The following KCNMB2 variants were observed in gnomAD, a reference collection of about 807,000 sequenced individuals.
KCNMB2 encodes calcium-activated potassium channel subunit beta-2.
KCNMB2 carries 9 observed loss-of-function variants against 24.5 expected under a neutral mutation model. The observed-to-expected ratio is 0.37, with a 90% CI of 0.22 to 0.64. The LOEUF (loss-of-function observed/expected upper bound fraction) is 0.64. Among genes scored for constraint, KCNMB2 ranks in the 30% least tolerant of loss-of-function variants. The pLI, the probability that KCNMB2 is intolerant of heterozygous loss-of-function variation, is 0.63. For synonymous variants in KCNMB2, 109 were observed against 104.4 expected, an observed-to-expected ratio of 1.04 and a Z score of -0.27; for missense variants, 226 against 284.3, an observed-to-expected ratio of 0.79 and a Z score of 1.47.
intron 1 of KCNMB2, among the ~76,000 whole-genome samples, chr3:178,670,947 C>T (rs909610815): frequency 2.6e-5 from 4 of 152,058 alleles, no homozygotes; most frequent in African/African-American, 7.2e-5. Context: ...TGATTCTTCC[C>T]GCTGGAAGAC....
chr3:178,762,248 C>T (rs1278872783), intron 1 of KCNMB2, among the ~76,000 whole-genome samples: 1 of 152,086 alleles, frequency 6.6e-6, no homozygotes, highest in Non-Finnish European at 1.5e-5. Flanking sequence ...GAAAGTGTGG[C>T]CACACAAAGC....
At chr3:178,751,854 G>T (rs1234355822) in intron 1 of KCNMB2, among the ~76,000 whole-genome samples, 1 of 152,160 alleles carries the variant, frequency 6.6e-6, no homozygotes, top group Non-Finnish European at 1.5e-5. Flanking sequence ...CTTTTTTTGA[G>T]ATCCTAATAT....
chr3:178,798,974 T>C (rs7428460), intron 1 of KCNMB2, among the ~76,000 whole-genome samples: 64,693 of 151,050 alleles, frequency 0.43, 15,741 homozygotes, highest in African/African-American at 0.68. Flanking sequence ...ATACAATATC[T>C]CTTGATGATA....
intron 1 of KCNMB2, among the ~76,000 whole-genome samples, chr3:178,547,008 A>G (rs551810208): frequency 6.6e-6 from 1 of 152,342 alleles, no homozygotes; most frequent in South Asian, 2.1e-4. Flanking sequence ...CGTGACAGAA[A>G]CTTAATCCCC....
intron 1 of KCNMB2, among the ~76,000 whole-genome samples, chr3:178,717,390 T>C (rs1435104864): frequency 6.6e-6 from 1 of 152,136 alleles, no homozygotes; most frequent in Non-Finnish European, 1.5e-5. Context: ...TCTTTTAAAC[T>C]GAAATTGATT....
intron 1 of KCNMB2, among the ~76,000 whole-genome samples, chr3:178,685,706 C>G (rs1721444991): frequency 6.6e-6 from 1 of 152,214 alleles, no homozygotes; most frequent in African/African-American, 2.4e-5. Context: ...GTTATTTCCT[C>G]ACCACGAAGT....
intron 1 of KCNMB2, among the ~76,000 whole-genome samples, chr3:178,675,929 C>T (rs930623943): frequency 9.8e-5 from 15 of 152,292 alleles, no homozygotes; most frequent in East Asian, 1.9e-4. Context: ...CTGTTAGATA[C>T]TTTATCAACA....
At chr3:178,781,856 T>C (rs1712861711) in intron 1 of KCNMB2, among the ~76,000 whole-genome samples, 1 of 150,226 alleles carries the variant, frequency 6.7e-6, no homozygotes. Context: ...TAGTTACATA[T>C]GTATACATGT....
At chr3:178,707,571 A>C (rs1722319170) in intron 1 of KCNMB2, among the ~76,000 whole-genome samples, 1 of 152,114 alleles carries the variant, frequency 6.6e-6, no homozygotes, top group African/African-American at 2.4e-5. Flanking sequence ...TGCCCATTAA[A>C]ACCATCTGAG....
At chr3:178,650,266 T>C (rs961805961) in intron 1 of KCNMB2, among the ~76,000 whole-genome samples, 3 of 152,202 alleles carry the variant, frequency 2.0e-5, no homozygotes, top group African/African-American at 7.2e-5. Flanking sequence ...CTCCCAATTA[T>C]GTGGTCAATT....
chr3:178,710,297 T>C (rs1207635088), intron 1 of KCNMB2, among the ~76,000 whole-genome samples: 1 of 152,142 alleles, frequency 6.6e-6, no homozygotes, highest in Non-Finnish European at 1.5e-5. Flanking sequence ...CAGAGGTATA[T>C]TCACTTCTGA....
At chr3:178,645,002 T>C (rs1199024334) in intron 1 of KCNMB2, among the ~76,000 whole-genome samples, 2 of 152,216 alleles carry the variant, frequency 1.3e-5, no homozygotes, top group East Asian at 3.9e-4. Flanking sequence ...AACGTTGCCT[T>C]CTTTTTCTAA....
chr3:178,728,478 A>C (rs6784107), intron 1 of KCNMB2, among the ~76,000 whole-genome samples: 73,866 of 151,978 alleles, frequency 0.49, 18,432 homozygotes, highest in African/African-American at 0.61. Context: ...CGTGACACAA[A>C]CAGACAGATT....
chr3:178,739,598 T>C (rs2108375661), intron 1 of KCNMB2, among the ~76,000 whole-genome samples: 1 of 152,322 alleles, frequency 6.6e-6, no homozygotes, highest in South Asian at 2.1e-4. Context: ...TCAAGAGTGA[T>C]TGTTGAATAT....
rs146500437 is a variant in KCNMB2 at position 178,820,019 on chromosome 3, G to C, written c.57-5569G>C. 1.0e-2 allele frequency among the ~76,000 whole-genome samples: 1,521 copies of C among 152,186 alleles called. 18 individuals are homozygous for C. Among genetic ancestry groups the C allele is most frequent in the African/African-American group, 0.036 (1,474 of 41,516 alleles). Reference sequence around the variant, plus strand: ...ATCCTAAAATACCACTAAGATGAATGTATCCGTAAGAAAAATACACTTTAT... The same window carrying C: ...ATCCTAAAATACCACTAAGATGAATCTATCCGTAAGAAAAATACACTTTAT... On this transcript the variant is annotated intron_variant, in intron 2 of 4. Transcript: ENST00000452583.
intron 1 of KCNMB2, among the ~76,000 whole-genome samples, chr3:178,696,703 T>C (rs1050586243): frequency 6.6e-6 from 1 of 152,218 alleles, no homozygotes; most frequent in Non-Finnish European, 1.5e-5. Context: ...GTTGTTAACT[T>C]GAGATCTTTC....
chr3:178,792,833 G>C (rs1713377973), intron 1 of KCNMB2, among the ~76,000 whole-genome samples: 1 of 152,188 alleles, frequency 6.6e-6, no homozygotes, highest in Admixed American at 6.5e-5. Context: ...GCTCCAGCTG[G>C]GGAAGTGTCA....
In KCNMB2 at chr3:178,789,402, T is replaced by C. The variant is rs146720847; in HGVS notation, c.-67-17941T>C. On this transcript the variant is annotated intron_variant, in intron 1 of 4. Transcript: ENST00000452583. ...ACTTCCAAGCAATAGGAACACTACA[T>C]GGAAAGACAATCCACACAAGAAAAC... Among the ~76,000 whole-genome samples, 770 of 152,170 alleles carry C rather than the reference T, an allele frequency of 5.1e-3. 8 individuals carry two copies. Among genetic ancestry groups the C allele is most frequent in the Admixed American group, 0.026 (401 of 15,284 alleles).
intron 1 of KCNMB2, among the ~76,000 whole-genome samples, chr3:178,685,089 G>C (rs368599909): frequency 6.6e-6 from 1 of 152,138 alleles, no homozygotes; most frequent in Non-Finnish European, 1.5e-5. Flanking sequence ...TGGGGACCAT[G>C]CCTACCCAAC....
Sources: gnomAD v4.1 joint callset for allele counts (sites outside exome capture counted in the v4.1 genomes callset) on GRCh38, gnomAD v4.1.1 for gene constraint, MANE v1.5 for transcripts, NCBI Gene and HGNC (gene_info 2026-07-23, HGNC 2026-07-21) for gene names.